The following GABBR2 variants were observed in gnomAD, a reference collection of about 807,000 sequenced individuals.
GABBR2 encodes gamma-aminobutyric acid type B receptor subunit 2, also known as G-protein coupled receptor 51.
A neutral mutation model predicts 105.6 loss-of-function variants in GABBR2; 23 were observed. The observed-to-expected ratio is 0.22, with a 90% confidence interval of 0.16 to 0.31. The LOEUF (loss-of-function observed/expected upper bound fraction) is 0.31. Among genes scored for constraint, GABBR2 ranks in the 10% least tolerant of loss-of-function variants. The pLI is 1.00. For missense variants in GABBR2, 734 were observed against 1,245.5 expected (o/e 0.59, Z 6.18); for synonymous variants, 478 against 499.7 (o/e 0.96, Z 0.58).
At chr9:98,598,356 C>T (rs1353656759) in intron 1 of GABBR2, among the ~76,000 whole-genome samples, 1 of 152,140 alleles carries the variant, frequency 6.6e-6, no homozygotes, top group African/African-American at 2.4e-5. Context: ...ATACGCCACA[C>T]CCATTGCATC....
chr9:98,299,460 G>A lies in GABBR2; in HGVS notation c.2413-107C>T, dbSNP rs1330196173. 9.3e-6 allele frequency: 11 copies of A among 1,179,326 alleles called. No individual in the cohort carries two copies. The African/African-American group carries it at 1.7e-4, about 18-fold the overall frequency. The allele number at this position is 1,179,326 out of a possible 1,614,324, so 73.1% of individuals were successfully genotyped here. ...AGGGCTGGGCCTTTACCTGTATTCAGGAGTGCCCTGAGAATCAGAGGGGTT... is the reference window on the plus strand; with the variant it reads ...AGGGCTGGGCCTTTACCTGTATTCAAGAGTGCCCTGAGAATCAGAGGGGTT... On this transcript the variant is annotated intron_variant, in intron 16 of 18. Transcript: ENST00000259455.
Position 98,485,819 on chromosome 9 carries a change from G to A in GABBR2, c.733-4822C>T, listed in dbSNP as rs372039496. ...ACCCGCCCGGCTGCAGTGAGGGTGG[G>A]CTGCTGACAGCTCACTCCCTTCTCT... is the stretch of plus-strand genomic sequence containing the variant. On this transcript the variant is annotated intron_variant, in intron 4 of 18. Transcript: ENST00000259455. Among the ~76,000 whole-genome samples the A allele has an allele frequency of 2.0e-5, 3 of 152,288 alleles. No individual in the cohort carries two copies. The East Asian group carries it at 5.8e-4, about 29-fold the overall frequency.
At position 98,572,806 on chromosome 9, in the gene GABBR2, T is replaced by C. The variant is rs1365234709; in HGVS notation, c.459+5129A>G. 3.3e-5 allele frequency among the ~76,000 whole-genome samples: 5 copies of C among 152,302 alleles called. No individual in the cohort carries two copies. The South Asian group carries it at 1.0e-3, about 32-fold the overall frequency. ...ACTCTCTTGGGCTCATCTACCATTCTGCCTCCCAGGTCCTCAGAGAAGTCC... is the reference window on the plus strand; with the variant it reads ...ACTCTCTTGGGCTCATCTACCATTCCGCCTCCCAGGTCCTCAGAGAAGTCC... On this transcript the variant is annotated intron_variant, in intron 2 of 18. Coordinates refer to ENST00000259455, the MANE Select transcript of GABBR2 (RefSeq NM_005458.8).
At chr9:98,505,673 A>T (rs1050098533) in intron 3 of GABBR2, among the ~76,000 whole-genome samples, 9 of 152,156 alleles carry the variant, frequency 5.9e-5, no homozygotes, top group African/African-American at 2.2e-4. Context: ...GAGAAAGGCA[A>T]AGGGAGACTT....
intron 1 of GABBR2, among the ~76,000 whole-genome samples, chr9:98,669,831 G>T (rs923337874): frequency 6.6e-6 from 1 of 152,152 alleles, no homozygotes; most frequent in East Asian, 1.9e-4. Context: ...GCATGTACAT[G>T]CAGGAAACCA....
chr9:98,303,708 C>T (rs529298025), intron 15 of GABBR2, among the ~76,000 whole-genome samples: 2 of 152,230 alleles, frequency 1.3e-5, no homozygotes, highest in Admixed American at 6.5e-5. Context: ...CCAGGGCCCC[C>T]GAGGCCTCAC....
At chr9:98,573,918 T>C (rs1452033970) in intron 2 of GABBR2, among the ~76,000 whole-genome samples, 1 of 152,202 alleles carries the variant, frequency 6.6e-6, no homozygotes, top group Admixed American at 6.5e-5. Flanking sequence ...AACCAATGTT[T>C]ACTCCCTTGG....
chr9:98,578,321 T>C (rs1410106079), intron 1 of GABBR2, among the ~76,000 whole-genome samples: 1 of 152,150 alleles, frequency 6.6e-6, no homozygotes, highest in Admixed American at 6.5e-5. Context: ...GCACCCCAGC[T>C]ATCTCCCTTT....
intron 6 of GABBR2, among the ~76,000 whole-genome samples, chr9:98,469,075 G>A (rs1588177764): frequency 6.6e-6 from 1 of 152,170 alleles, no homozygotes; most frequent in East Asian, 1.9e-4. Context: ...AGTTCTGGAG[G>A]CCAGAAGGCT....
intron 13 of GABBR2, among the ~76,000 whole-genome samples, chr9:98,335,427 GTACAGTCTTGGGCCC>G (rs1564021792): frequency 6.6e-6 from 1 of 152,078 alleles, no homozygotes; most frequent in East Asian, 1.9e-4. Context: ...GGTATCCAAG[GTACAGTCTTGGGCCC>G]TTCCTAGAGA....
At chr9:98,616,086 T>G (rs780262814) in intron 1 of GABBR2, among the ~76,000 whole-genome samples, 14 of 152,212 alleles carry the variant, frequency 9.2e-5, no homozygotes, top group Non-Finnish European at 1.8e-4. Flanking sequence ...AAACTGAGAT[T>G]CAGAGAGGTT....
At chr9:98,502,159 AAGG>A (rs1194662440) in intron 3 of GABBR2, among the ~76,000 whole-genome samples, 3 of 152,174 alleles carry the variant, frequency 2.0e-5, no homozygotes, top group Non-Finnish European at 4.4e-5. Flanking sequence ...GGAGGAGGAA[AAGG>A]AGATCAGAGA....
chr9:98,589,405 A>G (rs1419301932), intron 1 of GABBR2, among the ~76,000 whole-genome samples: 21 of 152,220 alleles, frequency 1.4e-4, no homozygotes, highest in Non-Finnish European at 1.5e-5. Flanking sequence ...TAAGCAAGAA[A>G]TAACTTTCAT....
In GABBR2 at chr9:98,703,089, C is replaced by G. The variant is rs114982628; in HGVS notation, c.321+5328G>C. Among the ~76,000 whole-genome samples the G allele has an allele frequency of 7.5e-3, 1,143 of 152,324 alleles. 3 individuals are homozygous for G. The highest frequency in any genetic ancestry group is 0.026 in the African/African-American group (1,083 of 41,560). ...AAGCCAATGAGATATAAACTTGAGA[C>G]TTTCGCTGAAACAGTTGGGAAAGAA... On this transcript the variant is annotated intron_variant, in intron 1 of 18. Coordinates refer to ENST00000259455, the MANE Select transcript of GABBR2 (RefSeq NM_005458.8).
chr9:98,519,458 G>A (rs540226322), intron 3 of GABBR2, among the ~76,000 whole-genome samples: 1 of 152,254 alleles, frequency 6.6e-6, no homozygotes, highest in Non-Finnish European at 1.5e-5. Context: ...GGGAAAGGCC[G>A]GAGCAACAGT....
At chr9:98,422,260 T>TAC (rs1157271011) in intron 7 of GABBR2, among the ~76,000 whole-genome samples, 2 of 152,204 alleles carry the variant, frequency 1.3e-5, no homozygotes, top group African/African-American at 4.8e-5. Context: ...GATGTTGCTT[T>TAC]ACATCTAATA....
intron 1 of GABBR2, among the ~76,000 whole-genome samples, chr9:98,682,293 G>A (rs1588281637): frequency 6.9e-6 from 1 of 144,198 alleles, no homozygotes; most frequent in East Asian, 2.0e-4. Context: ...GAAAAATAAT[G>A]TAAAATTAAA....
At chr9:98,632,602 C>T (rs1829828726) in intron 1 of GABBR2, among the ~76,000 whole-genome samples, 1 of 152,144 alleles carries the variant, frequency 6.6e-6, no homozygotes, top group South Asian at 2.1e-4. Flanking sequence ...TGTCTCAAAA[C>T]CCGGCCATCA....
At chr9:98,701,969 C>T (rs1419175269) in intron 1 of GABBR2, among the ~76,000 whole-genome samples, 5 of 152,258 alleles carry the variant, frequency 3.3e-5, no homozygotes, top group South Asian at 2.1e-4. Context: ...CCTGAGCACT[C>T]GCAGTGTGCC....
Sources: allele counts gnomAD v4.1 joint callset (sites outside exome capture counted in the v4.1 genomes callset), GRCh38; gene constraint gnomAD v4.1.1; transcripts MANE v1.5; gene names NCBI Gene and HGNC (gene_info 2026-07-23, HGNC 2026-07-21).